Variants in SLC6A18 observed in about 807,000 individuals in gnomAD.
SLC6A18 encodes the protein inactive sodium-dependent neutral amino acid transporter B(0)AT3.
SLC6A18 carries 58 observed loss-of-function variants against 62.9 expected under a neutral mutation model. That is an observed-to-expected ratio of 0.92 (90% CI 0.75 to 1.15). The LOEUF (loss-of-function observed/expected upper bound fraction) is 1.15, where lower values mean the gene tolerates loss of function less well. Among genes scored for constraint, SLC6A18 ranks in the 50% most tolerant of loss-of-function variants. SLC6A18 has a pLI of 0.00. For synonymous variants in SLC6A18, 382 were observed against 365.8 expected (o/e 1.04, Z -0.51); for missense variants, 793 against 836.6 (o/e 0.95, Z 0.64).
At chr5:1,238,741 T>G (rs1023192798) in intron 5 of SLC6A18, among the ~76,000 whole-genome samples, 13 of 152,050 alleles carry the variant, frequency 8.5e-5, no homozygotes, top group African/African-American at 2.7e-4. Context: ...GACATGGATG[T>G]GAGGGGTCAG....
At chr5:1,238,337 CCTGGGGCCT>C (rs1561178771) in intron 5 of SLC6A18, among the ~76,000 whole-genome samples, 76 of 118,466 alleles carry the variant, frequency 6.4e-4, no homozygotes, top group African/African-American at 1.4e-3. Context: ...TTGGAGTGAG[CCTGGGGCCT>C]CAGGAAAGAG....
chr5:1,242,023 G>C (rs979937953), intron 7 of SLC6A18, among the ~76,000 whole-genome samples: 1 of 133,834 alleles, frequency 7.5e-6, no homozygotes, highest in African/African-American at 2.8e-5. Context: ...GGCTGTCTGT[G>C]CTTGAACCTT....
Position 1,232,312 on chromosome 5 carries a change from G to A in SLC6A18, c.254G>A (p.Gly85Asp), listed in dbSNP as rs1207875372. 3 of 1,612,294 alleles carry A rather than the reference G, an allele frequency of 1.9e-6. No homozygotes were observed. The highest frequency in any genetic ancestry group is 2.5e-6 in the Non-Finnish European group (3 of 1,179,834). The change falls in exon 2 of 12, where the codon GGC (glycine) becomes GAC (aspartate). Residue 85 changes from glycine to aspartate, a missense_variant. Physicochemically the swap from Gly to Asp is moderately conservative, Grantham distance 94. Transcript: ENST00000324642. The part of the protein sequence containing the change: ...ELAIGQRLRK[G>D]SVGVWTAISP... The stretch of plus-strand genomic sequence containing the variant: ...GCCATCGGCCAGCGGCTGCGGAAGG[G>A]CAGCGTCGGCGTGTGGACGGCCATC...
intron 7 of SLC6A18, among the ~76,000 whole-genome samples, chr5:1,240,980 G>A (rs376021501): frequency 6.6e-6 from 1 of 152,188 alleles, no homozygotes; most frequent in East Asian, 1.9e-4. Context: ...GGCAGAGGTC[G>A]CAGCGCTTGT....
rs558812232 is a variant in SLC6A18 at position 1,226,110 on chromosome 5, C to T, written c.160+473C>T. ...CTTTGCAGGAATTTGGGGGCCCACC[C>T]CTCGCCTCCCTGGCTTTGGTTCTCT... On this transcript the variant is annotated intron_variant, in intron 1 of 11. Coordinates refer to ENST00000324642, the MANE Select transcript of SLC6A18 (RefSeq NM_182632.3). Among the ~76,000 whole-genome samples the T allele has an allele frequency of 3.3e-3, 499 of 152,320 alleles. 5 individuals carry two copies. The highest frequency in any genetic ancestry group is 0.025 in the South Asian group (120 of 4,828).
intron 5 of SLC6A18, among the ~76,000 whole-genome samples, chr5:1,239,179 C>CA (rs1219655324): frequency 3.3e-5 from 5 of 152,246 alleles, no homozygotes; most frequent in East Asian, 3.8e-4. Context: ...TCTCCAGCCC[C>CA]AAAAAACCTG....
At position 1,244,307 on chromosome 5, in the gene SLC6A18, C is replaced by T; in HGVS notation, c.1430C>T (p.Ser477Phe). The change falls in exon 10 of 12, where the codon TCC becomes TTC. Residue 477 changes from serine to phenylalanine, a missense_variant. Coordinates refer to ENST00000324642, the MANE Select transcript of SLC6A18 (RefSeq NM_182632.3). ...GAGATTTTCGACAATTTTGCCGCTT[C>T]CCCGAACCTGCTCATGTTGGCCTTT... ...WLEIFDNFAA[S>F]PNLLMLAFLE... 2 of 1,614,076 alleles carry T rather than the reference C, an allele frequency of 1.2e-6. No homozygotes were observed. Among genetic ancestry groups the T allele is most frequent in the Non-Finnish European group, 1.7e-6 (2 of 1,179,998 alleles).
intron 6 of SLC6A18, 80 bp from the exon 7 acceptor site, chr5:1,240,451 A>G: frequency 6.3e-7 from 1 of 1,577,212 alleles, no homozygotes; most frequent in Non-Finnish European, 8.6e-7. Context: ...CAAGGAGGGA[A>G]GCCCCCTCCT....
At chr5:1,227,977 C>T (rs865926894) in intron 1 of SLC6A18, among the ~76,000 whole-genome samples, 6 of 152,206 alleles carry the variant, frequency 3.9e-5, no homozygotes, top group African/African-American at 7.2e-5. Flanking sequence ...GCCCCCTCCC[C>T]GCTACTTCCT....
In SLC6A18 at chr5:1,244,357, G is replaced by A. The variant is rs761698241; in HGVS notation, c.1480G>A (p.Val494Ile). Residue 494 changes from valine to isoleucine, a missense_variant, in exon 10 of 12, where the codon GTT becomes ATT. Val to Ile is a conservative substitution (Grantham distance 29, BLOSUM62 3). Transcript: ENST00000324642. ...AFLEVVGVVY[V>I]YGMKRFCDDI... ...TCTCGAGGTTGTGGGTGTCGTTTAT[G>A]TTTATGGAATGAAACGGTGAGCTGC... 1.2e-6 allele frequency: 2 copies of A among 1,611,762 alleles called. No homozygotes were observed. The highest frequency in any genetic ancestry group is 1.1e-5 in the South Asian group (1 of 90,984).
At chr5:1,238,896 G>A (rs1561179107) in intron 5 of SLC6A18, among the ~76,000 whole-genome samples, 1 of 152,208 alleles carries the variant, frequency 6.6e-6, no homozygotes, top group African/African-American at 2.4e-5. Context: ...AGCCTGCACG[G>A]CTTCTAGAGC....
Position 1,243,443 on chromosome 5 carries a change from G to A in SLC6A18, c.1132-112G>A. 4.9e-6 allele frequency: 6 copies of A among 1,230,622 alleles called. No individual in the cohort carries two copies. The highest frequency in any genetic ancestry group is 6.9e-6 in the Non-Finnish European group (6 of 869,064). 76.2% of individuals were successfully genotyped at this position (1,230,622 alleles called of 1,614,324 possible). ...ACCTCAGCCCGACACCAGGAGGGGT[G>A]ATGTGCACTCGTGTCCTCGGCCTGG... On this transcript the variant is annotated intron_variant, in intron 8 of 11. Coordinates refer to ENST00000324642, the MANE Select transcript of SLC6A18 (RefSeq NM_182632.3). This position sits in a 1 kb window ranked among gnomAD's most constrained non-coding sequence, Gnocchi z 6.5.
Position 1,234,442 on chromosome 5 carries a change from G to A in SLC6A18, c.440-1039G>A, listed in dbSNP as rs1051011068. The stretch of plus-strand genomic sequence containing the variant: ...TTCCTCCCAGCCACACTCCAGAAGC[G>A]GCCCCAGTACAGGCTATCTGCAGCC... On this transcript the variant is annotated intron_variant, in intron 3 of 11. Coordinates refer to ENST00000324642, the MANE Select transcript of SLC6A18 (RefSeq NM_182632.3). 3.3e-5 allele frequency among the ~76,000 whole-genome samples: 5 copies of A among 152,310 alleles called. No homozygotes were observed. In the South Asian group the frequency reaches 6.2e-4, roughly 19 times the overall value.
In SLC6A18 at chr5:1,225,423, C is replaced by T; in HGVS notation, c.-55C>T. The stretch of plus-strand genomic sequence containing the variant: ...AGAGGCTGGAGACGGCTCTCTAGTG[C>T]TGGGTGTGGAGTGAGGCACCACCCT... On this transcript the variant is annotated 5_prime_UTR_variant, in exon 1 of 12. Coordinates refer to ENST00000324642, the MANE Select transcript of SLC6A18 (RefSeq NM_182632.3). The T allele has an allele frequency of 6.5e-7, 1 of 1,547,986 alleles. No individual in the cohort carries two copies. The highest frequency in any genetic ancestry group is 8.7e-7 in the Non-Finnish European group (1 of 1,146,868).
At chr5:1,238,956 A>C (rs1031472083) in intron 5 of SLC6A18, among the ~76,000 whole-genome samples, 44 of 152,316 alleles carry the variant, frequency 2.9e-4, no homozygotes, top group Middle Eastern at 3.4e-3. Context: ...ATCCCGAGGC[A>C]GTTTCCAGGG....
chr5:1,240,634 A>G lies in SLC6A18; in HGVS notation c.949A>G (p.Asn317Asp), dbSNP rs78991672. The G allele has an allele frequency of 3.7e-3, 6,047 of 1,614,010 alleles. 183 individuals are homozygous for G. The Admixed American group carries it at 0.053, about 14-fold the overall frequency. Residue 317 changes from asparagine to aspartate, a missense_variant, in exon 7 of 12, where the codon AAT becomes GAT. Coordinates refer to ENST00000324642, the MANE Select transcript of SLC6A18 (RefSeq NM_182632.3). ...CTCTGTCCTGGGGTTCAAAGCAACT[A>G]ATGACTACGAGCACTGCCTGGACAG... Reference protein sequence around the residue: ...VFSVLGFKATNDYEHCLDRNI... With the variant: ...VFSVLGFKATDDYEHCLDRNI...
At chr5:1,234,214 G>A (rs1746826580) in intron 3 of SLC6A18, among the ~76,000 whole-genome samples, 2 of 152,204 alleles carry the variant, frequency 1.3e-5, no homozygotes, top group Non-Finnish European at 1.5e-5. Context: ...ACTTGCTTAG[G>A]AAGCAACTCT....
chr5:1,227,159 C>T (rs1472428013), intron 1 of SLC6A18, among the ~76,000 whole-genome samples: 7 of 139,458 alleles, frequency 5.0e-5, no homozygotes, highest in African/African-American at 1.5e-4. Flanking sequence ...ACTTGCCCGC[C>T]GATGCCTTGC....
chr5:1,242,630 G>A (rs762671864), intron 7 of SLC6A18, 77 bp from the exon 8 acceptor site: 26 of 1,529,310 alleles, frequency 1.7e-5, no homozygotes, highest in African/African-American at 8.3e-5. Flanking sequence ...GCTGTGCTTC[G>A]CAGCACCAAC....
Sources: gnomAD v4.1 joint callset for allele counts (sites outside exome capture counted in the v4.1 genomes callset) on GRCh38, gnomAD v4.1.1 for gene constraint, Gnocchi (gnomAD v3.1) non-coding constraint, MANE v1.5 for transcripts, NCBI Gene and HGNC (gene_info 2026-07-23, HGNC 2026-07-21) for gene names.